Variants in HPSE2 observed in about 807,000 individuals in gnomAD.
HPSE2 encodes inactive heparanase-2.
In HPSE2, 38 loss-of-function variants were observed where a neutral mutation model predicts 60.5. The ratio of observed to expected loss-of-function variants is 0.63; its 90% confidence interval spans 0.48 to 0.82. The LOEUF is 0.82. HPSE2 is among the 40% of genes least tolerant of loss of function. The probability of loss-of-function intolerance (pLI) is 0.00; values close to 1 mark genes in which losing one functional copy is unlikely to be tolerated. For missense variants in HPSE2, 713 were observed against 740.4 expected (o/e 0.96, Z 0.43); for synonymous variants, 295 against 293.2 (o/e 1.01, Z -0.06).
At chr10:98,932,610 T>G (rs535455242) in intron 3 of HPSE2, among the ~76,000 whole-genome samples, 1 of 142,364 alleles carries the variant, frequency 7.0e-6, no homozygotes, top group East Asian at 2.0e-4. Flanking sequence ...GGGCTTTTTT[T>G]TTTTTTTGGC....
the HPSE2 span, among the ~76,000 whole-genome samples, chr10:99,251,461 CGAG>C: frequency 3.3e-5 from 5 of 152,206 alleles, no homozygotes; most frequent in Non-Finnish European, 7.3e-5. Context: ...TCCAAAAAAT[CGAG>C]GAGGAGGGAC....
chr10:99,031,545 A>G (rs1957499126), intron 3 of HPSE2, among the ~76,000 whole-genome samples: 1 of 152,214 alleles, frequency 6.6e-6, no homozygotes, highest in Non-Finnish European at 1.5e-5. Context: ...AGAGGGAATA[A>G]GAAAACATTT....
intron 3 of HPSE2, among the ~76,000 whole-genome samples, chr10:98,757,331 A>C (rs144980882): frequency 1.3e-5 from 2 of 152,272 alleles, no homozygotes; most frequent in South Asian, 4.1e-4. Flanking sequence ...TCCTAGTCAG[A>C]GCAATCAGAT....
At chr10:99,310,044 T>C in the HPSE2 span, among the ~76,000 whole-genome samples, 1 of 152,218 alleles carries the variant, frequency 6.6e-6, no homozygotes, top group Non-Finnish European at 1.5e-5. Context: ...CAGTTTCTGG[T>C]GGCTGCCAGC....
chr10:99,010,581 A>G (rs1315704941), intron 3 of HPSE2, among the ~76,000 whole-genome samples: 1 of 152,178 alleles, frequency 6.6e-6, no homozygotes, highest in Non-Finnish European at 1.5e-5. Flanking sequence ...ACTTCATGGT[A>G]TGAGAGGCCA....
chr10:99,278,401 ATCAT>A, the HPSE2 span, among the ~76,000 whole-genome samples: 4 of 152,190 alleles, frequency 2.6e-5, no homozygotes, highest in Non-Finnish European at 4.4e-5. Context: ...ACTCTGCCCT[ATCAT>A]TGGCATGCAG....
At chr10:98,884,641 C>T (rs1457504995) in intron 3 of HPSE2, among the ~76,000 whole-genome samples, 2 of 152,130 alleles carry the variant, frequency 1.3e-5, no homozygotes, top group African/African-American at 4.8e-5. Flanking sequence ...ATGGTTTACT[C>T]TAGCAGTCCT....
At chr10:98,575,740 T>A (rs2133908455) in intron 9 of HPSE2, among the ~76,000 whole-genome samples, 1 of 152,304 alleles carries the variant, frequency 6.6e-6, no homozygotes, top group East Asian at 1.9e-4. Context: ...AATGTTATTA[T>A]CATGCCATGG....
chr10:98,503,692 G>T (rs1942102674), intron 9 of HPSE2, among the ~76,000 whole-genome samples: 1 of 152,192 alleles, frequency 6.6e-6, no homozygotes, highest in Admixed American at 6.5e-5. Context: ...CCATAAAAAG[G>T]ATGAATTAAT....
At chr10:98,748,743 GAAC>G (rs954460052) in intron 3 of HPSE2, among the ~76,000 whole-genome samples, 7 of 151,946 alleles carry the variant, frequency 4.6e-5, no homozygotes, top group African/African-American at 1.7e-4. Context: ...GGGTCATGGA[GAAC>G]AACAACAACA....
intron 9 of HPSE2, among the ~76,000 whole-genome samples, chr10:98,552,466 G>A (rs1190089030): frequency 6.6e-6 from 1 of 152,176 alleles, no homozygotes; most frequent in Non-Finnish European, 1.5e-5. Flanking sequence ...CATTTTAGGA[G>A]AGAAGACTAA....
intron 2 of HPSE2, among the ~76,000 whole-genome samples, chr10:99,154,643 A>G (rs1292714199): frequency 6.6e-6 from 1 of 151,890 alleles, no homozygotes; most frequent in African/African-American, 2.4e-5. Context: ...AGCCGCTGCA[A>G]AATCATGCCA....
chr10:99,012,855 G>T (rs943392744), intron 3 of HPSE2, among the ~76,000 whole-genome samples: 1 of 152,098 alleles, frequency 6.6e-6, no homozygotes, highest in African/African-American at 2.4e-5. Flanking sequence ...TGTCCTGAGA[G>T]GATTCATTAT....
At chr10:98,480,696 T>G (rs1002429150) in intron 11 of HPSE2, among the ~76,000 whole-genome samples, 1 of 152,236 alleles carries the variant, frequency 6.6e-6, no homozygotes, top group Non-Finnish European at 1.5e-5. Context: ...TGCTTTTTTG[T>G]AATTCTTAGC....
At chr10:98,721,113 T>G (rs1400876391) in intron 5 of HPSE2, among the ~76,000 whole-genome samples, 1 of 152,166 alleles carries the variant, frequency 6.6e-6, no homozygotes, top group Admixed American at 6.6e-5. Context: ...TCAGTATCTT[T>G]CCTTGCCTTG....
intron 6 of HPSE2, among the ~76,000 whole-genome samples, chr10:98,668,599 G>A (rs556085189): frequency 1.3e-5 from 2 of 152,184 alleles, no homozygotes; most frequent in South Asian, 4.1e-4. Context: ...TGGAAATAAA[G>A]CCACACAGCT....
At chr10:99,036,711 A>G (rs1208740521) in intron 3 of HPSE2, among the ~76,000 whole-genome samples, 1 of 152,188 alleles carries the variant, frequency 6.6e-6, no homozygotes, top group Non-Finnish European at 1.5e-5. Context: ...ATTAGTGGGT[A>G]AAAGTTTAAA....
At chr10:99,205,795 T>C (rs1484432647) in intron 2 of HPSE2, among the ~76,000 whole-genome samples, 4 of 152,218 alleles carry the variant, frequency 2.6e-5, no homozygotes, top group African/African-American at 7.2e-5. Flanking sequence ...CCACCTGCTA[T>C]TGCTAAGTAG....
chr10:98,940,668 G>T (rs1390941406), intron 3 of HPSE2, among the ~76,000 whole-genome samples: 1 of 128,086 alleles, frequency 7.8e-6, no homozygotes, highest in African/African-American at 3.3e-5. Context: ...GGAGGAACTG[G>T]TACCATTCCT....
Sources: gnomAD v4.1 joint callset for allele counts (sites outside exome capture counted in the v4.1 genomes callset) on GRCh38, gnomAD v4.1.1 for gene constraint, MANE v1.5 for transcripts, NCBI Gene and HGNC (gene_info 2026-07-23, HGNC 2026-07-21) for gene names.